The following DENND1A variants were observed in gnomAD, a reference collection of about 807,000 sequenced individuals.
DENND1A encodes the protein DENN domain containing 1A.
A neutral mutation model predicts 113.7 loss-of-function variants in DENND1A; 51 were observed. The ratio of observed to expected loss-of-function variants is 0.45; its 90% CI spans 0.36 to 0.57. DENND1A has a LOEUF of 0.57. DENND1A is among the 20% of genes least tolerant of loss of function. The pLI is 0.00. For missense variants in DENND1A, 1,258 were observed against 1,395.9 expected (o/e 0.90, Z 1.57); for synonymous variants, 565 against 570.8 (o/e 0.99, Z 0.14).
chr9:123,728,502 A>C (rs1352245946), intron 5 of DENND1A, among the ~76,000 whole-genome samples: 4 of 148,210 alleles, frequency 2.7e-5, no homozygotes, highest in African/African-American at 5.0e-5. Context: ...AAAAAAAAAA[A>C]AAAAAAAACA....
chr9:123,648,825 C>T (rs578136782), intron 9 of DENND1A, among the ~76,000 whole-genome samples: 21 of 152,170 alleles, frequency 1.4e-4, no homozygotes, highest in African/African-American at 3.6e-4. Flanking sequence ...ACAATAGAAA[C>T]GGTCTTCCTT....
At chr9:123,770,693 C>T (rs576896144) in intron 3 of DENND1A, among the ~76,000 whole-genome samples, 41 of 152,272 alleles carry the variant, frequency 2.7e-4, no homozygotes, top group African/African-American at 9.6e-4. Context: ...ATGAAGAACA[C>T]ATTTTTCAGT....
chr9:123,928,701 G>C, intron 1 of DENND1A: 3 of 985,448 alleles, frequency 3.0e-6, no homozygotes, highest in Non-Finnish European at 3.6e-6. Flanking sequence ...GGGACTGCAA[G>C]GCTGGGCAAG....
At chr9:123,896,239 G>A (rs983416353) in intron 1 of DENND1A, among the ~76,000 whole-genome samples, 1 of 151,976 alleles carries the variant, frequency 6.6e-6, no homozygotes, top group Non-Finnish European at 1.5e-5. Context: ...TTGAGCCCAG[G>A]AGTTCAAGGC....
intron 10 of DENND1A, among the ~76,000 whole-genome samples, chr9:123,627,735 G>C (rs1398770364): frequency 8.2e-6 from 1 of 122,072 alleles, no homozygotes; most frequent in Non-Finnish European, 1.7e-5. Flanking sequence ...GCAAAACTCT[G>C]TCTCAAAAAA....
intron 12 of DENND1A, among the ~76,000 whole-genome samples, chr9:123,559,335 G>A (rs922593722): frequency 7.2e-5 from 11 of 152,154 alleles, no homozygotes; most frequent in Admixed American, 5.2e-4. Context: ...TCAAGAGCAC[G>A]TTTCACAGAA....
At chr9:123,831,716 G>A (rs1315213130) in intron 2 of DENND1A, among the ~76,000 whole-genome samples, 1 of 152,116 alleles carries the variant, frequency 6.6e-6, no homozygotes, top group Admixed American at 6.6e-5. Flanking sequence ...AGATTCATAT[G>A]GCAAAATAAT....
At chr9:123,628,262 T>A (rs572659716) in intron 10 of DENND1A, among the ~76,000 whole-genome samples, 2 of 151,614 alleles carry the variant, frequency 1.3e-5, no homozygotes, top group South Asian at 2.1e-4. Context: ...GGGAAGGAGA[T>A]GTGGACATCT....
intron 1 of DENND1A, among the ~76,000 whole-genome samples, chr9:123,888,645 C>T (rs1012320303): frequency 6.6e-6 from 1 of 152,178 alleles, no homozygotes; most frequent in African/African-American, 2.4e-5. Flanking sequence ...TAGAAAATAT[C>T]TGGCCTTAAT....
chr9:123,617,648 G>A (rs1427254148), intron 10 of DENND1A, among the ~76,000 whole-genome samples: 4 of 152,204 alleles, frequency 2.6e-5, no homozygotes, highest in South Asian at 2.1e-4. Context: ...ACCGGAAGGC[G>A]ACAGACTCGG....
intron 2 of DENND1A, among the ~76,000 whole-genome samples, chr9:123,878,283 T>C (rs1387300997): frequency 6.6e-6 from 1 of 151,988 alleles, no homozygotes. Flanking sequence ...TTTGGCAAAA[T>C]GTATCACCTC....
chr9:123,915,034 AAGG>A (rs1854834873), intron 1 of DENND1A, among the ~76,000 whole-genome samples: 1 of 152,084 alleles, frequency 6.6e-6, no homozygotes, highest in Non-Finnish European at 1.5e-5. Context: ...GGCCCCCACA[AAGG>A]CTGCAAAGTA....
chr9:123,424,143 G>C (rs1211758920), intron 19 of DENND1A, among the ~76,000 whole-genome samples: 2 of 152,154 alleles, frequency 1.3e-5, no homozygotes, highest in Admixed American at 6.5e-5. Context: ...TGAGGGTTGG[G>C]GGAGCTGTAC....
At chr9:123,700,530 G>A (rs1166422187) in intron 5 of DENND1A, among the ~76,000 whole-genome samples, 1 of 152,168 alleles carries the variant, frequency 6.6e-6, no homozygotes, top group Non-Finnish European at 1.5e-5. Context: ...TGTAGGGCAG[G>A]CCAGCAAGCT....
rs1181795916 is a variant in DENND1A at position 123,457,906 on chromosome 9, T to C, written c.994-9A>G. 6.2e-7 allele frequency: 1 copy of C among 1,603,672 alleles called. No homozygotes were observed. Among genetic ancestry groups the C allele is most frequent in the East Asian group, 2.3e-5 (1 of 44,344 alleles). ...AAAGTGATCGGCTCCTCCTGGGAAG[T>C]GCAGAGGGGAGAGGTGGGTCAGTGG... is the stretch of plus-strand genomic sequence containing the variant. On this transcript the variant is annotated splice_polypyrimidine_tract_variant and intron_variant, in intron 13 of 23. Transcript: ENST00000394215.
intron 3 of DENND1A, among the ~76,000 whole-genome samples, chr9:123,792,057 T>C (rs916882378): frequency 2.6e-5 from 4 of 152,212 alleles, no homozygotes; most frequent in Admixed American, 1.3e-4. Flanking sequence ...CAATTCAAGA[T>C]GGTAGAGCCA....
Position 123,386,381 on chromosome 9 carries a change from C to CTTTTT in DENND1A, c.1760+1344_1760+1348dup, listed in dbSNP as rs34797849. The stretch of plus-strand genomic sequence containing the variant: ...CTTAGGCCACTACTTTCTTTTCTTT[C>CTTTTT]TTTTTTTTTTTTTTTTTAAAGGCAG... On this transcript the variant is annotated intron_variant, in intron 22 of 23. Transcript: ENST00000394215. 8.2e-4 allele frequency among the ~76,000 whole-genome samples: 111 copies of CTTTTT among 135,174 alleles called. 1 individual carries two copies. The highest frequency in any genetic ancestry group is 1.4e-3 in the Non-Finnish European group (88 of 64,110). 88.7% of individuals were successfully genotyped at this position (135,174 alleles called of 152,430 possible). A position where few individuals can be genotyped will look rare whatever the true frequency, so the allele number is the denominator to read the frequency against.
rs138251632 is a variant in DENND1A, at chr9:123,522,895, G to A, written c.993+34675C>T. ...CAAGCAGATTTGCTTTTGATAAGTG[G>A]CAGCATCTGAGCCAAGTCTTGAACA... On this transcript the variant is annotated intron_variant, in intron 13 of 23. Coordinates refer to ENST00000394215, the MANE Select transcript of DENND1A (RefSeq NM_001352964.2). 2.0e-5 allele frequency among the ~76,000 whole-genome samples: 3 copies of A among 152,284 alleles called. No homozygotes were observed. In the East Asian group the frequency reaches 5.8e-4, roughly 29 times the overall value.
intron 5 of DENND1A, among the ~76,000 whole-genome samples, chr9:123,687,549 C>T (rs2064888254): frequency 6.6e-6 from 1 of 152,142 alleles, no homozygotes; most frequent in Non-Finnish European, 1.5e-5. Context: ...AGAGATTGTT[C>T]CAGACAGCTG....
Sources: allele counts gnomAD v4.1 joint callset (sites outside exome capture counted in the v4.1 genomes callset), GRCh38; gene constraint gnomAD v4.1.1; transcripts MANE v1.5; gene names NCBI Gene and HGNC (gene_info 2026-07-23, HGNC 2026-07-21).